FREM3: variants seen among roughly 807,000 people sequenced by gnomAD.
The protein encoded by FREM3 is FRAS1-related extracellular matrix protein 3.
In FREM3, 105 loss-of-function variants were observed where a neutral mutation model predicts 129.1. That is an observed-to-expected ratio of 0.81 (90% CI 0.69 to 0.96). The LOEUF is 0.96. Among genes scored for constraint, FREM3 ranks in the 40% least tolerant of loss-of-function variants. The pLI is 0.00. For synonymous variants in FREM3, 1,014 were observed against 1,044.9 expected (o/e 0.97, Z 0.57); for missense variants, 2,593 against 2,666.3 (o/e 0.97, Z 0.61).
At chr4:143,662,328 G>A (rs189850971) in intron 2 of FREM3, among the ~76,000 whole-genome samples, 63 of 152,244 alleles carry the variant, frequency 4.1e-4, no homozygotes, top group African/African-American at 1.5e-3. Context: ...CTTCATTTCT[G>A]CCTTCATTTC....
At chr4:143,676,988 T>G (rs1314421568) in intron 2 of FREM3, among the ~76,000 whole-genome samples, 4 of 152,136 alleles carry the variant, frequency 2.6e-5, no homozygotes, top group Non-Finnish European at 5.9e-5. Context: ...TATAGATTCA[T>G]TGCCATCCCC....
At chr4:143,656,648 C>T (rs1035614382) in intron 2 of FREM3, among the ~76,000 whole-genome samples, 7 of 151,840 alleles carry the variant, frequency 4.6e-5, no homozygotes, top group South Asian at 2.1e-4. Context: ...TTGCTAAGGC[C>T]GAGAGTAGGG....
At position 143,652,146 on chromosome 4, in the gene FREM3, CTTTTTT is replaced by C. The variant is rs1030414098; in HGVS notation, c.5276-24392_5276-24387del. Among the ~76,000 whole-genome samples the C allele has an allele frequency of 1.5e-4, 9 of 58,506 alleles. 1 individual carries two copies. The highest frequency in any genetic ancestry group is 5.8e-4 in the African/African-American group (8 of 13,864). The allele number at this position is 58,506 out of a possible 152,430, so 38.4% of individuals were successfully genotyped here. On this transcript the variant is annotated intron_variant, in intron 2 of 7. Transcript: ENST00000329798. ...TTCATTCAAATGGTCTTTTTCCTTT[CTTTTTT>C]TTTTTTTTTTTTTTTTTTTTTGAGA...
In FREM3 at chr4:143,696,628, G is replaced by A. The variant is rs1171041508; in HGVS notation, c.4048C>T (p.Pro1350Ser). 6.5e-7 allele frequency: 1 copy of A among 1,537,588 alleles called. No individual in the cohort carries two copies. The highest frequency in any genetic ancestry group is 1.4e-5 in the African/African-American group (1 of 72,976). Residue 1350 changes from proline to serine, a missense_variant, in exon 1 of 8, where the codon CCT becomes TCT. This residue lies in a region of FREM3 where 2,276 missense variants were observed against 2,267.2 expected (regional missense o/e 1.00). Transcript: ENST00000329798. ...KSLSFVLHSG[P>S]QQGLLQRLRK... Reference sequence around the variant, plus strand: ...AGCCTCTGTAGAAGCCCTTGTTGAGGCCCAGAATGGAGGACAAAACTGAGG... The same window carrying A: ...AGCCTCTGTAGAAGCCCTTGTTGAGACCCAGAATGGAGGACAAAACTGAGG...
In FREM3 at chr4:143,664,080, C is replaced by T. The variant is rs185678729; in HGVS notation, c.5275+29033G>A. Among the ~76,000 whole-genome samples the T allele has an allele frequency of 2.2e-4, 34 of 152,288 alleles. No individual in the cohort carries two copies. The East Asian group carries it at 6.6e-3, about 29-fold the overall frequency. ...TTGATCGTCTGAAGTCTTCTTCTCTCAACTCATCAAAGTCATTCTCCGTCC... is the reference window on the plus strand; with the variant it reads ...TTGATCGTCTGAAGTCTTCTTCTCTTAACTCATCAAAGTCATTCTCCGTCC... On this transcript the variant is annotated intron_variant, in intron 2 of 7. Transcript: ENST00000329798.
At position 143,677,651 on chromosome 4, in the gene FREM3, A is replaced by G. The variant is rs1424510670; in HGVS notation, c.5275+15462T>C. The stretch of plus-strand genomic sequence containing the variant: ...AATTTTGCAATCTACTCATCTGACA[A>G]AGGGCTAATATCCAGAATCTACAAA... On this transcript the variant is annotated intron_variant, in intron 2 of 7. Transcript: ENST00000329798. Among the ~76,000 whole-genome samples the G allele has an allele frequency of 3.3e-5, 5 of 152,242 alleles. No homozygotes were observed. In the South Asian group the frequency reaches 8.3e-4, roughly 25 times the overall value.
At chr4:143,665,557 A>G (rs796305660) in intron 2 of FREM3, among the ~76,000 whole-genome samples, 1 of 152,252 alleles carries the variant, frequency 6.6e-6, no homozygotes, top group African/African-American at 2.4e-5. Context: ...GTTTCTTTAC[A>G]TATTGAGGAC....
At chr4:143,595,009 G>T (rs572955887) in intron 6 of FREM3, among the ~76,000 whole-genome samples, 1 of 152,292 alleles carries the variant, frequency 6.6e-6, no homozygotes, top group South Asian at 2.1e-4. Flanking sequence ...AAGAGAGAAT[G>T]TTCTTTAAAT....
intron 7 of FREM3, among the ~76,000 whole-genome samples, chr4:143,581,463 C>T (rs938201739): frequency 6.6e-6 from 1 of 152,176 alleles, no homozygotes; most frequent in Non-Finnish European, 1.5e-5. Context: ...CCAGGCAGGG[C>T]CCCCAGCTCA....
chr4:143,696,374 G>A lies in FREM3; in HGVS notation c.4302C>T (p.Ile1434=). The A allele has an allele frequency of 6.5e-7, 1 of 1,537,382 alleles. No individual in the cohort carries two copies. The highest frequency in any genetic ancestry group is 8.7e-7 in the Non-Finnish European group (1 of 1,146,922). ...SVFPEVISKR[I]TLIEGARVTL... is the part of the protein sequence containing the mutation. ...TCACTCTGGCACCTTCTATCAAGGT[G>A]ATCCTTTTGCTGATTACCTCAGGGA... is the stretch of plus-strand genomic sequence containing the variant. Residue 1434 remains isoleucine (I), a synonymous_variant, in exon 1 of 8, where the codon ATC becomes ATT. Coordinates refer to ENST00000329798, the MANE Select transcript of FREM3 (RefSeq NM_001168235.2).
chr4:143,640,344 T>C (rs1283673518), intron 2 of FREM3, among the ~76,000 whole-genome samples: 1 of 152,196 alleles, frequency 6.6e-6, no homozygotes, highest in Non-Finnish European at 1.5e-5. Flanking sequence ...AAAAATGACC[T>C]AAATGTAGAC....
chr4:143,649,341 A>G (rs1015658107), intron 2 of FREM3: 1 of 152,224 alleles, frequency 6.6e-6, no homozygotes, highest in Non-Finnish European at 1.5e-5. Context: ...CACCTTGTGC[A>G]TCAGACAATA....
chr4:143,698,839 G>T lies in FREM3; in HGVS notation c.1837C>A (p.Leu613Met), dbSNP rs1180553496. Residue 613 changes from leucine (L) to methionine (M), a missense_variant, in exon 1 of 8, where the codon CTG becomes ATG. Coordinates refer to ENST00000329798, the MANE Select transcript of FREM3 (RefSeq NM_001168235.2). The part of the protein sequence containing the change: ...SSHSGHYLGD[L>M]LLQQAELPLS... ...GGTAGTTCAGCCTGCTGCAGCAACAGGTCCCCCAGGTAGTGGCCTGAGTGG... is the reference window on the plus strand; with the variant it reads ...GGTAGTTCAGCCTGCTGCAGCAACATGTCCCCCAGGTAGTGGCCTGAGTGG... The T allele has an allele frequency of 5.2e-6, 8 of 1,537,784 alleles. No individual in the cohort carries two copies. Among genetic ancestry groups the T allele is most frequent in the Admixed American group, 3.9e-5 (2 of 51,004 alleles).
rs1339222770 is a variant in FREM3, at chr4:143,699,286, T to C, written c.1390A>G (p.Asn464Asp). 4.6e-6 allele frequency: 7 copies of C among 1,537,320 alleles called. No homozygotes were observed. The South Asian group carries it at 8.3e-5, about 18-fold the overall frequency. Residue 464 changes from asparagine to aspartate, a missense_variant, in exon 1 of 8, where the codon AAC becomes GAC. This residue lies in a region of FREM3 where 2,276 missense variants were observed against 2,267.2 expected (regional missense o/e 1.00). Coordinates refer to ENST00000329798, the MANE Select transcript of FREM3 (RefSeq NM_001168235.2). The surrounding 1 kb of genome is among the most constrained non-coding windows in gnomAD (Gnocchi z 4.2). ...THSIPISDKD[N>D]LEEVKMAAVR... ...GCAGCCATTTTCACCTCTTCCAGGTTATCTTTATCACTGATAGGAATGCTG... is the reference window on the plus strand; with the variant it reads ...GCAGCCATTTTCACCTCTTCCAGGTCATCTTTATCACTGATAGGAATGCTG...
At chr4:143,578,727 A>T (rs1335406882) in intron 7 of FREM3, among the ~76,000 whole-genome samples, 1 of 152,204 alleles carries the variant, frequency 6.6e-6, no homozygotes, top group East Asian at 1.9e-4. Flanking sequence ...AAACCATCAG[A>T]CAAACCCAAA....
rs527626422 is a variant in FREM3, at chr4:143,603,587, C to T, written c.6028+7692G>A. On this transcript the variant is annotated intron_variant, in intron 6 of 7. Transcript: ENST00000329798. ...AGATGAGGAGTGCCAGATAAAGGAA[C>T]AACTTAATGTAAATATGTTGATTTG... Among the ~76,000 whole-genome samples, 26 of 151,968 alleles carry T rather than the reference C, an allele frequency of 1.7e-4. No individual in the cohort carries two copies. The East Asian group carries it at 4.8e-3, about 28-fold the overall frequency.
rs185434690 is a variant in FREM3 at position 143,602,511 on chromosome 4, G to A, written c.6028+8768C>T. On this transcript the variant is annotated intron_variant, in intron 6 of 7. Transcript: ENST00000329798. ...CCCAAAAAAGTCATACACTACAGCT[G>A]CCAAATGAGTGCCCCATGGGGGACA... Among the ~76,000 whole-genome samples, 7 of 152,228 alleles carry A rather than the reference G, an allele frequency of 4.6e-5. No individual in the cohort carries two copies. In the East Asian group the frequency reaches 9.7e-4, roughly 21 times the overall value.
At chr4:143,682,194 A>G (rs1227923151) in intron 2 of FREM3, among the ~76,000 whole-genome samples, 3 of 152,198 alleles carry the variant, frequency 2.0e-5, no homozygotes, top group Non-Finnish European at 4.4e-5. Flanking sequence ...CAGGGGACCT[A>G]AGGCTGTTTC....
At chr4:143,690,717 G>A (rs1740450019) in intron 2 of FREM3, among the ~76,000 whole-genome samples, 1 of 152,170 alleles carries the variant, frequency 6.6e-6, no homozygotes, top group Non-Finnish European at 1.5e-5. Context: ...GTCAGCCACT[G>A]TAAAGCAATG....
Sources: gnomAD v4.1 joint callset for allele counts (sites outside exome capture counted in the v4.1 genomes callset) on GRCh38, gnomAD v4.1.1 for gene constraint, gnomAD v4.1.1 regional missense constraint, Gnocchi (gnomAD v3.1) non-coding constraint, MANE v1.5 for transcripts, NCBI Gene and HGNC (gene_info 2026-07-23, HGNC 2026-07-21) for gene names.